The following ANXA4 variants were observed in gnomAD, a reference collection of about 807,000 sequenced individuals.
ANXA4 encodes the protein 35-beta calcimedin.
Under a neutral mutation model 49.8 loss-of-function variants are expected in ANXA4, and 39 were observed. That is an observed-to-expected ratio of 0.78 (90% confidence interval 0.61 to 1.02). ANXA4 has a LOEUF of 1.02. Ranked by LOEUF, ANXA4 falls within the 50% of genes least tolerant of loss-of-function variation. The probability of loss-of-function intolerance (pLI) is 0.00; values close to 1 mark genes in which losing one functional copy is unlikely to be tolerated. For synonymous variants in ANXA4, 134 were observed against 152.5 expected, an observed-to-expected ratio of 0.88 and a Z score of 0.89; for missense variants, 360 against 410.1, an observed-to-expected ratio of 0.88 and a Z score of 1.05.
chr2:69,683,454 A>G (rs150000645), intron 2 of ANXA4, among the ~76,000 whole-genome samples: 2 of 152,312 alleles, frequency 1.3e-5, no homozygotes, highest in Non-Finnish European at 2.9e-5. Flanking sequence ...AATGATTGTG[A>G]GATGAATTTG....
chr2:69,649,486 G>C (rs1038625315), intron 1 of ANXA4, among the ~76,000 whole-genome samples: 4 of 149,168 alleles, frequency 2.7e-5, no homozygotes, highest in Admixed American at 6.7e-5. Flanking sequence ...TATTCTTTTA[G>C]TAGTTGCTTA....
intron 1 of ANXA4, among the ~76,000 whole-genome samples, chr2:69,767,590 G>C (rs965560837): frequency 1.3e-5 from 2 of 152,234 alleles, no homozygotes; most frequent in Non-Finnish European, 2.9e-5. Flanking sequence ...TCTCCCACCA[G>C]AAAGGCCGTA....
In ANXA4 at chr2:69,816,210, C is replaced by A. The variant is rs377427013; in HGVS notation, c.628+16C>A. 7 of 1,609,622 alleles carry A rather than the reference C, an allele frequency of 4.3e-6. No individual in the cohort carries two copies. Among genetic ancestry groups the A allele is most frequent in the Non-Finnish European group, 6.0e-6 (7 of 1,175,982 alleles). Reference sequence around the variant, plus strand: ...CTGTTGCATGGTAAGGCACTTACTTCATTTCCCAAAGAAAAGGAGTGAAAG... The same window carrying A: ...CTGTTGCATGGTAAGGCACTTACTTAATTTCCCAAAGAAAAGGAGTGAAAG... On this transcript the variant is annotated intron_variant, in intron 9 of 12. Coordinates refer to ENST00000394295, the MANE Select transcript of ANXA4 (RefSeq NM_001153.5).
At chr2:69,743,685 A>G (rs1670498480) in intron 1 of ANXA4, among the ~76,000 whole-genome samples, 1 of 152,160 alleles carries the variant, frequency 6.6e-6, no homozygotes, top group South Asian at 2.1e-4. Context: ...CTCATGTCAG[A>G]TTTCTGTTGA....
chr2:69,667,955 C>T (rs539004938), intron 2 of ANXA4, among the ~76,000 whole-genome samples: 23 of 152,316 alleles, frequency 1.5e-4, no homozygotes, highest in African/African-American at 5.1e-4. Context: ...CATGCTGAGG[C>T]AGAGATGCAC....
chr2:69,719,744 T>G (rs981198012), intron 2 of ANXA4, among the ~76,000 whole-genome samples: 1 of 152,144 alleles, frequency 6.6e-6, no homozygotes, highest in Non-Finnish European at 1.5e-5. Context: ...CTGCCTAAAA[T>G]TATTTTTTGA....
At chr2:69,659,229 A>C (rs1366277906) in intron 2 of ANXA4, among the ~76,000 whole-genome samples, 1 of 152,238 alleles carries the variant, frequency 6.6e-6, no homozygotes, top group African/African-American at 2.4e-5. Context: ...AATTAGAGAT[A>C]GCATCTAGAA....
intron 9 of ANXA4, chr2:69,817,257 C>T (rs911677107): frequency 6.6e-6 from 1 of 151,986 alleles, no homozygotes; most frequent in Non-Finnish European, 1.5e-5. Flanking sequence ...TGTTTGTAAG[C>T]CACTGGGAGA....
chr2:69,707,800 G>C (rs1043934329), intron 2 of ANXA4, among the ~76,000 whole-genome samples: 1 of 152,126 alleles, frequency 6.6e-6, no homozygotes, highest in Non-Finnish European at 1.5e-5. Context: ...TAATCACTCT[G>C]TCATGCTATC....
chr2:69,695,540 C>T (rs1326855676), intron 2 of ANXA4, among the ~76,000 whole-genome samples: 1 of 152,224 alleles, frequency 6.6e-6, no homozygotes, highest in Non-Finnish European at 1.5e-5. Context: ...ACAACACCCG[C>T]ATGCTCTTCT....
chr2:69,807,045 A>G (rs934625553), intron 5 of ANXA4, among the ~76,000 whole-genome samples: 1 of 152,220 alleles, frequency 6.6e-6, no homozygotes, highest in Admixed American at 6.5e-5. Flanking sequence ...AGGCCTTCTG[A>G]GAGTAGCAGG....
intron 5 of ANXA4, among the ~76,000 whole-genome samples, chr2:69,807,141 T>C (rs1368221362): frequency 6.6e-6 from 1 of 152,222 alleles, no homozygotes; most frequent in African/African-American, 2.4e-5. Context: ...TTAAAAGTTC[T>C]TTTCCAAAAA....
chr2:69,643,933 A>C, upstream of ANXA4: 2 of 1,127,132 alleles, frequency 1.8e-6, no homozygotes, highest in South Asian at 4.5e-5. Context: ...GTCTCAGTGC[A>C]GACAGAGTTC....
chr2:69,819,904 A>T (rs928044894), intron 11 of ANXA4, among the ~76,000 whole-genome samples: 2 of 151,878 alleles, frequency 1.3e-5, no homozygotes, highest in East Asian at 3.9e-4. Context: ...CCCCGTCTCT[A>T]CAAAAATGCA....
At position 69,651,816 on chromosome 2, in the gene ANXA4, TTGGG is replaced by T. The variant is rs1198531663; in HGVS notation, n.482-1181_482-1178del. On this transcript the variant is annotated intron_variant and non_coding_transcript_variant, in intron 1 of 3. Transcript: ENST00000418066. The stretch of plus-strand genomic sequence containing the variant: ...CGCGCCCGGCTTTTTTTTTTTTTTT[TTGGG>T]GGGGGGGGGCGGGGAGACAGAGTCT... Among the ~76,000 whole-genome samples the T allele has an allele frequency of 3.5e-3, 65 of 18,832 alleles. 1 individual carries two copies. The East Asian group carries it at 0.15, about 44-fold the overall frequency. The allele number at this position is 18,832 out of a possible 152,430, so 12.4% of individuals were successfully genotyped here.
intron 3 of ANXA4, among the ~76,000 whole-genome samples, chr2:69,801,406 T>C (rs1187540584): frequency 6.6e-6 from 1 of 151,552 alleles, no homozygotes; most frequent in Non-Finnish European, 1.5e-5. Context: ...GTTTTTTGTT[T>C]TTTTTTTCTT....
intron 9 of ANXA4, chr2:69,817,670 G>A (rs1381044542): frequency 6.6e-6 from 1 of 152,170 alleles, no homozygotes; most frequent in African/African-American, 2.4e-5. Context: ...CTCAGTAGAA[G>A]GGAATAATGG....
intron 3 of ANXA4, among the ~76,000 whole-genome samples, chr2:69,792,140 T>G (rs978887871): frequency 9.8e-5 from 15 of 152,356 alleles, no homozygotes; most frequent in African/African-American, 3.6e-4. Flanking sequence ...GACTTGAGAC[T>G]AAAGTTTGAC....
chr2:69,720,029 A>G (rs775963615), intron 2 of ANXA4, among the ~76,000 whole-genome samples: 2 of 152,204 alleles, frequency 1.3e-5, no homozygotes, highest in Non-Finnish European at 2.9e-5. Context: ...GGGTGAATAC[A>G]TAGGTCATTA....
Sources: allele counts gnomAD v4.1 joint callset (sites outside exome capture counted in the v4.1 genomes callset), GRCh38; gene constraint gnomAD v4.1.1; transcripts MANE v1.5; gene names NCBI Gene and HGNC (gene_info 2026-07-23, HGNC 2026-07-21).